The following TRAIP variants were observed in gnomAD, a reference collection of about 807,000 sequenced individuals.
The protein encoded by TRAIP is E3 ubiquitin-protein ligase TRAIP.
In TRAIP, 37 loss-of-function variants were observed where a neutral mutation model predicts 65.0. The ratio of observed to expected loss-of-function variants is 0.57; its 90% CI spans 0.44 to 0.75. TRAIP has a LOEUF of 0.75. TRAIP is among the 30% of genes least tolerant of loss of function. TRAIP has a pLI of 0.00. For synonymous variants in TRAIP, 187 were observed against 219.1 expected (o/e 0.85, Z 1.29); for missense variants, 481 against 579.4 (o/e 0.83, Z 1.74).
At chr3:49,837,094 C>T (rs932015662) in intron 10 of TRAIP, among the ~76,000 whole-genome samples, 2 of 151,538 alleles carry the variant, frequency 1.3e-5, no homozygotes, top group African/African-American at 2.4e-5. Context: ...AGTAGGTGGC[C>T]CAAGAAAACT....
chr3:49,829,655 T>C lies in TRAIP; in HGVS notation c.1198A>G (p.Lys400Glu), dbSNP rs1479255589. ...CAAGAGGACTCTGACCTGGGCCTCT[T>C]GGGCTGTTTCTGGCCTAGGATGGCA... ...RNAILGQKQPKRPRSESSCSK... is the reference protein window; with the variant it reads ...RNAILGQKQPERPRSESSCSK... Residue 400 changes from lysine (K) to glutamate (E), a missense_variant, in exon 13 of 15, where the codon AAG becomes GAG. Transcript: ENST00000331456. The C allele has an allele frequency of 1.1e-5, 18 of 1,614,174 alleles. No homozygotes were observed. The highest frequency in any genetic ancestry group is 1.4e-5 in the Non-Finnish European group (17 of 1,180,022).
At chr3:49,831,643 AC>A (rs1339527790) in intron 11 of TRAIP, among the ~76,000 whole-genome samples, 6 of 152,092 alleles carry the variant, frequency 3.9e-5, no homozygotes, top group African/African-American at 1.4e-4. Context: ...GCCCAGACCC[AC>A]CCCTTCTGGC....
intron 5 of TRAIP, chr3:49,843,271 A>G (rs2081854063): frequency 6.5e-6 from 1 of 154,268 alleles, no homozygotes; most frequent in South Asian, 2.0e-4. Context: ...TTGGAGAGCA[A>G]GAGGCTCACC....
chr3:49,847,420 A>AAG lies in TRAIP; in HGVS notation c.240+103_240+104dup, dbSNP rs1446272997. The AAG allele has an allele frequency of 5.8e-6, 3 of 517,920 alleles. No individual in the cohort carries two copies. The African/African-American group carries it at 9.9e-5, about 17-fold the overall frequency. 32.1% of individuals were successfully genotyped at this position (517,920 alleles called of 1,614,324 possible). On this transcript the variant is annotated intron_variant, in intron 3 of 14. Coordinates refer to ENST00000331456, the MANE Select transcript of TRAIP (RefSeq NM_005879.3). ...GAAAAGAAAAGAAAAGAAAAGAGAA[A>AAG]AGAGAAGAGAAGAGAAGAGAAGAGA...
At position 49,829,014 on chromosome 3, in the gene TRAIP, T is replaced by C; in HGVS notation, c.*89A>G. ...TTACACCTCAGGCTGGTCCCGAAAG[T>C]GGGGCTCTGTCCACAAAACCCCTGC... On this transcript the variant is annotated 3_prime_UTR_variant, in exon 15 of 15. Coordinates refer to ENST00000331456, the MANE Select transcript of TRAIP (RefSeq NM_005879.3). 1.3e-6 allele frequency: 2 copies of C among 1,587,508 alleles called. No homozygotes were observed. The highest frequency in any genetic ancestry group is 1.7e-6 in the Non-Finnish European group (2 of 1,159,328).
At chr3:49,850,748 A>T (rs2081923590) in intron 1 of TRAIP, among the ~76,000 whole-genome samples, 1 of 131,846 alleles carries the variant, frequency 7.6e-6, no homozygotes, top group South Asian at 2.5e-4. Flanking sequence ...TCCACCTCCC[A>T]GGTTCAAGCA....
At chr3:49,830,189 C>G in intron 11 of TRAIP, 121 bp from the exon 12 acceptor site, 1 of 1,113,988 alleles carries the variant, frequency 9.0e-7, no homozygotes, top group Non-Finnish European at 1.3e-6. Context: ...TGCCTGCATT[C>G]TGGGCAAGGC....
In TRAIP at chr3:49,841,018, C is replaced by A. The variant is rs1467227999; in HGVS notation, c.672G>T (p.Lys224Asn). 6 of 1,614,212 alleles carry A rather than the reference C, an allele frequency of 3.7e-6. No individual in the cohort carries two copies. The highest frequency in any genetic ancestry group is 5.1e-6 in the Non-Finnish European group (6 of 1,180,030). ...TGGAGGAAAACAAATCCTTCCTCAG[C>A]TTGTCAGCCACCTCCCCTGAGGCCT... ...ARKASGEVADKLRKDLFSSRS... is the reference protein window; with the variant it reads ...ARKASGEVADNLRKDLFSSRS... The change falls in exon 8 of 15, where the codon AAG becomes AAT. Residue 224 changes from lysine (K) to asparagine (N), a missense_variant. Physicochemically the swap from Lys to Asn is moderately conservative, Grantham distance 94. Coordinates refer to ENST00000331456, the MANE Select transcript of TRAIP (RefSeq NM_005879.3).
intron 1 of TRAIP, among the ~76,000 whole-genome samples, chr3:49,853,470 A>G (rs1490859372): frequency 6.6e-6 from 1 of 152,078 alleles, no homozygotes; most frequent in Admixed American, 6.6e-5. Context: ...ATAAAATAAA[A>G]CAGATGAAAA....
intron 11 of TRAIP, among the ~76,000 whole-genome samples, chr3:49,831,366 G>T (rs927261103): frequency 6.6e-6 from 1 of 152,222 alleles, no homozygotes; most frequent in Admixed American, 6.5e-5. Flanking sequence ...ATTACACTTG[G>T]CAAAGCTGGC....
At chr3:49,850,169 C>T (rs2081918691) in intron 1 of TRAIP, among the ~76,000 whole-genome samples, 1 of 148,240 alleles carries the variant, frequency 6.7e-6, no homozygotes, top group Non-Finnish European at 1.5e-5. Flanking sequence ...AAGCCAGATA[C>T]AAAAAGTTAT....
At chr3:49,847,441 AGAGAAAAAAG>A (rs1006480600) in intron 3 of TRAIP, 74 bp downstream of exon 3, 12 of 845,838 alleles carry the variant, frequency 1.4e-5, no homozygotes, top group Non-Finnish European at 2.3e-5. Flanking sequence ...AGAGAAGAGA[AGAGAAAAAAG>A]AAAAGAAAAG....
chr3:49,835,437 G>C (rs1269541583), intron 10 of TRAIP, among the ~76,000 whole-genome samples: 1 of 152,166 alleles, frequency 6.6e-6, no homozygotes, highest in African/African-American at 2.4e-5. Flanking sequence ...GGGAGTTATT[G>C]TTTAATGGGT....
At chr3:49,855,939 C>T (rs2081965946) in intron 1 of TRAIP, among the ~76,000 whole-genome samples, 1 of 152,184 alleles carries the variant, frequency 6.6e-6, no homozygotes. Flanking sequence ...TGAGATGACT[C>T]TGGGTAGAAT....
intron 10 of TRAIP, 143 bp from the exon 11 acceptor site, chr3:49,832,211 G>A (rs1366365096): frequency 1.1e-5 from 11 of 980,628 alleles, no homozygotes; most frequent in East Asian, 6.6e-5. Context: ...CCCTACTCTC[G>A]GCCAGGCACA....
chr3:49,842,493 C>T lies in TRAIP; in HGVS notation c.463G>A (p.Glu155Lys). The change falls in exon 6 of 15, where the codon GAG (glutamate) becomes AAG (lysine). Residue 155 changes from glutamate to lysine, a missense_variant. Glu to Lys is a moderately conservative substitution (Grantham distance 56, BLOSUM62 1). Transcript: ENST00000331456. ...ATCTTGCTCCTGAGCCGGCGGGCCT[C>T]CTCTTGTGCTTGTTTGGTCTCATCC... ...QQDETKQAQE[E>K]ARRLRSKMKT... 6.2e-7 allele frequency: 1 copy of T among 1,614,040 alleles called. No individual in the cohort carries two copies. Among genetic ancestry groups the T allele is most frequent in the Non-Finnish European group, 8.5e-7 (1 of 1,180,012 alleles).
chr3:49,832,168 C>T (rs562570324), intron 10 of TRAIP, 100 bp from the exon 11 acceptor site: 1 of 1,321,204 alleles, frequency 7.6e-7, no homozygotes, highest in East Asian at 2.8e-5. Flanking sequence ...GACCTGGAGC[C>T]CACTCCTGAC....
intron 11 of TRAIP, among the ~76,000 whole-genome samples, chr3:49,830,425 A>G (rs972207097): frequency 6.6e-6 from 1 of 152,212 alleles, no homozygotes; most frequent in Non-Finnish European, 1.5e-5. Flanking sequence ...ACGGGAGGAA[A>G]GCCAGTCATG....
chr3:49,832,583 A>C (rs908986095), intron 10 of TRAIP, among the ~76,000 whole-genome samples: 6 of 148,878 alleles, frequency 4.0e-5, no homozygotes, highest in Admixed American at 2.7e-4. Flanking sequence ...GCACCCCCCC[A>C]CCACTCCCAC....
Sources: allele counts gnomAD v4.1 joint callset (sites outside exome capture counted in the v4.1 genomes callset), GRCh38; gene constraint gnomAD v4.1.1; transcripts MANE v1.5; gene names NCBI Gene and HGNC (gene_info 2026-07-23, HGNC 2026-07-21).